Variants in CEACAM21 observed in about 807,000 individuals in gnomAD.
CEACAM21 encodes CEA cell adhesion molecule 21.
Under a neutral mutation model 33.2 loss-of-function variants are expected in CEACAM21, and 38 were observed. That is an observed-to-expected ratio of 1.14 (90% confidence interval 0.88 to 1.50). The LOEUF is 1.50. Ranked by LOEUF, CEACAM21 falls within the 40% of genes most tolerant of loss-of-function variation. The pLI is 0.00. For synonymous variants in CEACAM21, 156 were observed against 143.0 expected, an observed-to-expected ratio of 1.09 and a Z score of -0.65; for missense variants, 385 against 364.6, an observed-to-expected ratio of 1.06 and a Z score of -0.46.
At chr19:41,558,822 G>A (rs527903244) in intron 1 of CEACAM21, among the ~76,000 whole-genome samples, 45 of 152,256 alleles carry the variant, frequency 3.0e-4, no homozygotes, top group Admixed American at 1.8e-3. Context: ...AAACTTAAAC[G>A]ATGTATTAAA....
In CEACAM21 at chr19:41,577,292, C is replaced by T; in HGVS notation, c.157C>T (p.Leu53Phe). ...AGTTGCTGAAGGGGAGAATGTTCATCTCTCTGTGGTTTATCTGCCCGAGAA... is the reference window on the plus strand; with the variant it reads ...AGTTGCTGAAGGGGAGAATGTTCATTTCTCTGTGGTTTATCTGCCCGAGAA... The part of the protein sequence containing the change: ...FEVAEGENVH[L>F]SVVYLPENLY... Residue 53 changes from leucine (L) to phenylalanine (F), a missense_variant, in exon 2 of 7, where the codon CTC becomes TTC. Coordinates refer to ENST00000401445, the MANE Select transcript of CEACAM21 (RefSeq NM_001098506.4). 1.9e-6 allele frequency: 3 copies of T among 1,614,142 alleles called. No homozygotes were observed. The highest frequency in any genetic ancestry group is 2.5e-6 in the Non-Finnish European group (3 of 1,180,000).
intron 4 of CEACAM21, among the ~76,000 whole-genome samples, chr19:41,584,693 C>T (rs946594555): frequency 1.3e-5 from 2 of 152,200 alleles, no homozygotes; most frequent in Non-Finnish European, 1.5e-5. Context: ...TTTCCTAGCA[C>T]AGCAAAGCCA....
intron 1 of CEACAM21, chr19:41,555,078 T>A (rs954056827): frequency 6.6e-6 from 1 of 152,086 alleles, no homozygotes; most frequent in Non-Finnish European, 1.5e-5. Flanking sequence ...CTCAGAACCC[T>A]GCCCTGTCTG....
intron 1 of CEACAM21, among the ~76,000 whole-genome samples, chr19:41,576,905 C>G (rs2042987286): frequency 6.6e-6 from 1 of 152,174 alleles, no homozygotes; most frequent in African/African-American, 2.4e-5. Context: ...GACCCAGGGT[C>G]TCTAGAGGAG....
In CEACAM21 at chr19:41,579,101, G is replaced by A. The variant is rs373707474; in HGVS notation, c.425-252G>A. On this transcript the variant is annotated intron_variant, in intron 2 of 6. Coordinates refer to ENST00000401445, the MANE Select transcript of CEACAM21 (RefSeq NM_001098506.4). ...TTGCATCTCATGTGACTCTGGGGCC[G>A]CTCATCTGTGGGAGGGTTTTCAGGG... Among the ~76,000 whole-genome samples the A allele has an allele frequency of 9.0e-4, 137 of 152,088 alleles. 1 individual carries two copies. Among genetic ancestry groups the A allele is most frequent in the African/African-American group, 3.1e-3 (128 of 41,472 alleles).
At chr19:41,573,127 A>G (rs2042718645), upstream of CEACAM21, among the ~76,000 whole-genome samples, 1 of 152,178 alleles carries the variant, frequency 6.6e-6, no homozygotes, top group Non-Finnish European at 1.5e-5. Flanking sequence ...TTCCTTGTGC[A>G]AAGGCTTGGC....
intron 3 of CEACAM21, among the ~76,000 whole-genome samples, chr19:41,581,336 A>T (rs2043366995): frequency 6.6e-6 from 1 of 152,218 alleles, no homozygotes; most frequent in East Asian, 1.9e-4. Context: ...CCCATAAGGG[A>T]TACTTTTAGT....
At chr19:41,563,790 T>C (rs1402206111) in intron 1 of CEACAM21, among the ~76,000 whole-genome samples, 4 of 152,224 alleles carry the variant, frequency 2.6e-5, no homozygotes, top group Admixed American at 6.5e-5. Context: ...GCCATTTCCC[T>C]GGACAAGGGG....
intron 1 of CEACAM21, among the ~76,000 whole-genome samples, chr19:41,559,958 T>C (rs1242516216): frequency 6.6e-6 from 1 of 152,082 alleles, no homozygotes; most frequent in Non-Finnish European, 1.5e-5. Flanking sequence ...CATCTCAGCC[T>C]GGACAACAGG....
intron 4 of CEACAM21, 31 bp from the exon 5 acceptor site, chr19:41,585,412 C>G (rs113019659): frequency 6.2e-7 from 1 of 1,612,690 alleles, no homozygotes. Context: ...TTTAACCTTG[C>G]ACCTTCACAA....
chr19:41,562,064 G>A (rs368484439), intron 1 of CEACAM21, among the ~76,000 whole-genome samples: 2 of 152,218 alleles, frequency 1.3e-5, no homozygotes, highest in African/African-American at 4.8e-5. Context: ...TGACAAACAT[G>A]GTGAAACCCC....
chr19:41,584,516 T>C, intron 4 of CEACAM21, 73 bp downstream of exon 4: 1 of 1,337,668 alleles, frequency 7.5e-7, no homozygotes, highest in South Asian at 1.3e-5. Flanking sequence ...AGACCCTGTC[T>C]TGTATTCAGT....
intron 2 of CEACAM21, 195 bp from the exon 3 acceptor site, chr19:41,579,158 C>A: frequency 2.4e-6 from 2 of 837,376 alleles, no homozygotes; most frequent in Non-Finnish European, 3.7e-6. Context: ...CAGCTGGGTC[C>A]TCCTGGTCCC....
At chr19:41,586,412 A>C in intron 6 of CEACAM21, 52 bp from the exon 7 acceptor site, 1 of 621,186 alleles carries the variant, frequency 1.6e-6, no homozygotes, top group South Asian at 1.4e-5. Context: ...GAGATGCCAG[A>C]CCCTGTTCTG....
intron 2 of CEACAM21, among the ~76,000 whole-genome samples, chr19:41,565,347 G>T (rs189995375): frequency 6.6e-6 from 1 of 152,184 alleles, no homozygotes; most frequent in Admixed American, 6.5e-5. Context: ...AGGGGCGGGG[G>T]CGGGTGCCTC....
Position 41,577,432 on chromosome 19 carries a change from G to T in CEACAM21, c.297G>T (p.Glu99Asp), listed in dbSNP as rs1555791681. ...RTPGPAYSGR[E>D]TISPSGDLHF... Reference sequence around the variant, plus strand: ...CAGGGCCTGCATACAGCGGTCGAGAGACAATATCACCCAGTGGAGATCTGC... The same window carrying T: ...CAGGGCCTGCATACAGCGGTCGAGATACAATATCACCCAGTGGAGATCTGC... Residue 99 changes from glutamate to aspartate, a missense_variant, in exon 2 of 7, where the codon GAG (glutamate) becomes GAT (aspartate). By Grantham distance (45) the Glu-to-Asp change is conservative. Transcript: ENST00000401445. 1 of 1,614,168 alleles carries T rather than the reference G, an allele frequency of 6.2e-7. No individual in the cohort carries two copies.
upstream of CEACAM21, among the ~76,000 whole-genome samples, chr19:41,574,316 G>A (rs562326757): frequency 5.3e-5 from 8 of 152,250 alleles, no homozygotes; most frequent in Admixed American, 5.2e-4. Flanking sequence ...GACATCAAGA[G>A]CATAAGTAAC....
intron 4 of CEACAM21, among the ~76,000 whole-genome samples, chr19:41,585,234 G>C (rs2070638142): frequency 6.6e-6 from 1 of 152,070 alleles, no homozygotes; most frequent in Admixed American, 6.5e-5. Context: ...ATCTGCCTGA[G>C]AGTCCTTCCC....
Position 41,577,290 on chromosome 19 carries a change from A to G in CEACAM21, c.155A>G (p.His52Arg), listed in dbSNP as rs376809290. 1 of 1,614,028 alleles carries G rather than the reference A, an allele frequency of 6.2e-7. No individual in the cohort carries two copies. Among genetic ancestry groups the G allele is most frequent in the Admixed American group, 1.7e-5 (1 of 60,010 alleles). ...PFEVAEGENV[H>R]LSVVYLPENL... ...GAAGTTGCTGAAGGGGAGAATGTTC[A>G]TCTCTCTGTGGTTTATCTGCCCGAG... The change falls in exon 2 of 7, where the codon CAT becomes CGT. Residue 52 changes from histidine to arginine, a missense_variant. Transcript: ENST00000401445.
Sources: gnomAD v4.1 joint callset for allele counts (sites outside exome capture counted in the v4.1 genomes callset) on GRCh38, gnomAD v4.1.1 for gene constraint, MANE v1.5 for transcripts, NCBI Gene and HGNC (gene_info 2026-07-23, HGNC 2026-07-21) for gene names.